STXBP6: variants seen among roughly 807,000 people sequenced by gnomAD.
STXBP6 encodes the protein syntaxin-binding protein 6.
A neutral mutation model predicts 26.9 loss-of-function variants in STXBP6; 21 were observed. The observed-to-expected ratio is 0.78, with a 90% CI of 0.55 to 1.12. STXBP6 has a LOEUF of 1.12. Among genes scored for constraint, STXBP6 ranks in the 50% most tolerant of loss-of-function variants. STXBP6 has a pLI of 0.00. For synonymous variants in STXBP6, 97 were observed against 92.6 expected, an observed-to-expected ratio of 1.05 and a Z score of -0.27; for missense variants, 232 against 257.9, an observed-to-expected ratio of 0.90 and a Z score of 0.69.
intron 2 of STXBP6, among the ~76,000 whole-genome samples, chr14:24,911,774 T>C (rs182307862): frequency 4.2e-4 from 64 of 152,260 alleles, no homozygotes; most frequent in African/African-American, 1.4e-3. Context: ...GCAGAGCACA[T>C]AGCTTAGAAA....
At chr14:24,925,438 C>T (rs556874498) in intron 2 of STXBP6, among the ~76,000 whole-genome samples, 2 of 152,240 alleles carry the variant, frequency 1.3e-5, no homozygotes, top group South Asian at 2.1e-4. Context: ...AATAACAATG[C>T]CAGAAAATAC....
chr14:24,959,013 C>A (rs766202424), intron 2 of STXBP6, among the ~76,000 whole-genome samples: 3 of 152,124 alleles, frequency 2.0e-5, no homozygotes. Flanking sequence ...CGTCTATCAA[C>A]CCCAGTTATA....
At chr14:24,931,817 G>A (rs933211815) in intron 2 of STXBP6, among the ~76,000 whole-genome samples, 1 of 152,188 alleles carries the variant, frequency 6.6e-6, no homozygotes, top group African/African-American at 2.4e-5. Flanking sequence ...GTGTGATCCA[G>A]GAGGTGGTAC....
At chr14:24,843,929 T>C (rs1049225818) in intron 4 of STXBP6, among the ~76,000 whole-genome samples, 2 of 152,136 alleles carry the variant, frequency 1.3e-5, no homozygotes, top group Non-Finnish European at 2.9e-5. Flanking sequence ...ATACCTGAGT[T>C]TATGAGGTGA....
At chr14:25,027,276 C>T (rs1296953731) in intron 1 of STXBP6, among the ~76,000 whole-genome samples, 2 of 152,126 alleles carry the variant, frequency 1.3e-5, no homozygotes, top group African/African-American at 4.8e-5. Flanking sequence ...ACAGCATGTG[C>T]CCACTCCATG....
chr14:24,974,523 G>C, intron 2 of STXBP6, 142 bp downstream of exon 2: 2 of 654,420 alleles, frequency 3.1e-6, no homozygotes, highest in Non-Finnish European at 4.7e-6. Context: ...CCAGTAAAGA[G>C]GAAGACCAGA....
At position 24,812,696 on chromosome 14, in the gene STXBP6, G is replaced by T. The variant is rs1341766772; in HGVS notation, c.*13C>A. 1 of 1,613,390 alleles carries T rather than the reference G, an allele frequency of 6.2e-7. No individual in the cohort carries two copies. The highest frequency in any genetic ancestry group is 1.3e-5 in the African/African-American group (1 of 74,904). On this transcript the variant is annotated 3_prime_UTR_variant, in exon 6 of 6. Transcript: ENST00000323944. ...AGTTTCTCTTAAGAAGAGTCACCAG[G>T]ATAGGCAGTTTCTCAACATTTGTGC... is the stretch of plus-strand genomic sequence containing the variant.
chr14:24,850,209 A>C (rs1490450819), intron 4 of STXBP6, among the ~76,000 whole-genome samples: 2 of 152,120 alleles, frequency 1.3e-5, no homozygotes, highest in Non-Finnish European at 1.5e-5. Flanking sequence ...ACAAAGTCAC[A>C]GTTTGATTGA....
At chr14:24,989,512 C>T (rs2074413543) in intron 1 of STXBP6, among the ~76,000 whole-genome samples, 1 of 152,152 alleles carries the variant, frequency 6.6e-6, no homozygotes, top group Non-Finnish European at 1.5e-5. Flanking sequence ...TTTATAAAGA[C>T]TTTATATTCT....
At chr14:24,911,790 G>T (rs1307046253) in intron 2 of STXBP6, among the ~76,000 whole-genome samples, 1 of 152,184 alleles carries the variant, frequency 6.6e-6, no homozygotes, top group African/African-American at 2.4e-5. Flanking sequence ...AGAAAAACCA[G>T]AAGAGTTCTT....
At position 24,906,712 on chromosome 14, in the gene STXBP6, G is replaced by A. The variant is rs1344225324; in HGVS notation, c.155-49555C>T. Among the ~76,000 whole-genome samples, 3 of 152,058 alleles carry A rather than the reference G, an allele frequency of 2.0e-5. No individual in the cohort carries two copies. In the East Asian group the frequency reaches 5.8e-4, roughly 29 times the overall value. ...CATATCAAGTGGTTCCCTCACTACC[G>A]GCAATATTGCTAAGTCAAATTTCTA... On this transcript the variant is annotated intron_variant, in intron 2 of 5. Coordinates refer to ENST00000323944, the MANE Select transcript of STXBP6 (RefSeq NM_001394410.1).
chr14:24,998,820 G>T (rs1427628004), intron 1 of STXBP6, among the ~76,000 whole-genome samples: 1 of 152,130 alleles, frequency 6.6e-6, no homozygotes, highest in East Asian at 1.9e-4. Flanking sequence ...AAACTTCAAT[G>T]AATTCTCCTT....
intron 2 of STXBP6, among the ~76,000 whole-genome samples, chr14:24,955,184 A>G (rs1402907968): frequency 1.3e-5 from 2 of 152,092 alleles, no homozygotes; most frequent in South Asian, 4.1e-4. Context: ...GCAGGAGGAG[A>G]GAGTAACATC....
intron 2 of STXBP6, among the ~76,000 whole-genome samples, chr14:24,959,490 A>T (rs1301512497): frequency 1.3e-5 from 2 of 152,182 alleles, no homozygotes; most frequent in Non-Finnish European, 2.9e-5. Context: ...ATGTTATTTT[A>T]AAAAAACAAA....
At chr14:24,983,056 G>A (rs1242093275) in intron 1 of STXBP6, among the ~76,000 whole-genome samples, 1 of 152,144 alleles carries the variant, frequency 6.6e-6, no homozygotes. Flanking sequence ...CAGTTCTACA[G>A]TATCCATGTA....
At position 24,819,159 on chromosome 14, in the gene STXBP6, T is replaced by A. The variant is rs2068068141; in HGVS notation, c.487A>T (p.Thr163Ser). 1.9e-6 allele frequency: 3 copies of A among 1,614,162 alleles called. No homozygotes were observed. Among genetic ancestry groups the A allele is most frequent in the Middle Eastern group, 1.6e-4 (1 of 6,062 alleles). Residue 163 changes from threonine (T) to serine (S), a missense_variant, in exon 5 of 6, where the codon ACC becomes TCC. Physicochemically the swap from Thr to Ser is moderately conservative, Grantham distance 58 (BLOSUM62 1). Transcript: ENST00000323944. Reference sequence around the variant, plus strand: ...TGGCTTGCCTTCTGCACTGCGCTGGTCACGCTGTCAGCAGCTGAATGGAGG... The same window carrying A: ...TGGCTTGCCTTCTGCACTGCGCTGGACACGCTGTCAGCAGCTGAATGGAGG... ...SILHSAADSV[T>S]SAVQKASQAL... is the part of the protein sequence containing the mutation.
intron 4 of STXBP6, among the ~76,000 whole-genome samples, chr14:24,853,099 A>T: frequency 6.6e-6 from 1 of 152,114 alleles, no homozygotes; most frequent in East Asian, 1.9e-4. Flanking sequence ...AAAATCATAA[A>T]ACTATCCTAT....
At chr14:25,013,408 C>T (rs2075074957) in intron 1 of STXBP6, among the ~76,000 whole-genome samples, 1 of 151,612 alleles carries the variant, frequency 6.6e-6, no homozygotes, top group Non-Finnish European at 1.5e-5. Flanking sequence ...TTTTAAAACT[C>T]CTAATGAATT....
At chr14:24,902,806 T>C (rs1424374899) in intron 2 of STXBP6, among the ~76,000 whole-genome samples, 1 of 152,224 alleles carries the variant, frequency 6.6e-6, no homozygotes, top group Non-Finnish European at 1.5e-5. Flanking sequence ...GCAGAGTTTC[T>C]AGGGATACTG....
Sources: allele counts gnomAD v4.1 joint callset (sites outside exome capture counted in the v4.1 genomes callset), GRCh38; gene constraint gnomAD v4.1.1; transcripts MANE v1.5; gene names NCBI Gene and HGNC (gene_info 2026-07-23, HGNC 2026-07-21).